PKP2: variants seen among roughly 807,000 people sequenced by gnomAD.
PKP2 encodes the protein plakophilin 2.
A neutral mutation model predicts 83.4 loss-of-function variants in PKP2; 73 were observed. The ratio of observed to expected loss-of-function variants is 0.88; its 90% CI spans 0.72 to 1.06. PKP2 has a LOEUF of 1.06. Among genes scored for constraint, PKP2 ranks in the 50% least tolerant of loss-of-function variants. The pLI is 0.00. For synonymous variants in PKP2, 409 were observed against 430.4 expected (o/e 0.95, Z 0.62); for missense variants, 966 against 1,065.4 (o/e 0.91, Z 1.30).
At chr12:32,814,651 C>G (rs1054116329) in intron 9 of PKP2, among the ~76,000 whole-genome samples, 1 of 152,138 alleles carries the variant, frequency 6.6e-6, no homozygotes, top group East Asian at 1.9e-4. Context: ...AGGCTGGGCA[C>G]TATGGCTCAA....
At chr12:32,870,137 G>A (rs1359853128) in intron 3 of PKP2, among the ~76,000 whole-genome samples, 1 of 152,192 alleles carries the variant, frequency 6.6e-6, no homozygotes, top group Non-Finnish European at 1.5e-5. Context: ...TAACATTCCA[G>A]ACACATTCAT....
intron 11 of PKP2, 168 bp from the exon 12 acceptor site, chr12:32,792,899 G>A: frequency 1.5e-6 from 1 of 682,934 alleles, no homozygotes. Context: ...GCTCTGCAAG[G>A]CGGGGACCAT....
At chr12:32,861,052 C>CA (rs1342455775) in intron 4 of PKP2, among the ~76,000 whole-genome samples, 1 of 151,474 alleles carries the variant, frequency 6.6e-6, no homozygotes, top group East Asian at 1.9e-4. Context: ...AACAAACAAA[C>CA]AAAGCAGAAT....
intron 3 of PKP2, 148 bp downstream of exon 3, chr12:32,877,698 T>C: frequency 4.2e-6 from 3 of 714,142 alleles, no homozygotes; most frequent in Non-Finnish European, 5.0e-6. Flanking sequence ...ATCTGTCAAT[T>C]AGGCAGCTGC....
chr12:32,851,759 C>T (rs962094402), intron 4 of PKP2, among the ~76,000 whole-genome samples: 2 of 152,178 alleles, frequency 1.3e-5, no homozygotes, highest in African/African-American at 4.8e-5. Flanking sequence ...TGAGCCACTG[C>T]GCCCGGCCAC....
intron 11 of PKP2, among the ~76,000 whole-genome samples, chr12:32,795,755 A>G (rs958368656): frequency 6.6e-6 from 1 of 152,210 alleles, no homozygotes; most frequent in Non-Finnish European, 1.5e-5. Flanking sequence ...GCACTTGCCT[A>G]TTCAGAGGAC....
intron 10 of PKP2, among the ~76,000 whole-genome samples, chr12:32,800,813 T>C (rs1956171713): frequency 6.6e-6 from 1 of 152,230 alleles, no homozygotes; most frequent in African/African-American, 2.4e-5. Context: ...ATGTTTTCTG[T>C]GTGAAATCTG....
chr12:32,821,918 AG>A (rs560579295), intron 8 of PKP2: 22 of 258,108 alleles, frequency 8.5e-5, no homozygotes, highest in African/African-American at 4.7e-4. Flanking sequence ...GGATAGCACC[AG>A]GGTTCTAAAT....
intron 1 of PKP2, among the ~76,000 whole-genome samples, chr12:32,881,912 A>G (rs1956989903): frequency 6.6e-6 from 1 of 152,192 alleles, no homozygotes; most frequent in East Asian, 1.9e-4. Context: ...TGCAAGGGCC[A>G]GGCTGCTGTG....
chr12:32,896,414 C>T, intron 1 of PKP2, 95 bp downstream of exon 1: 1 of 959,884 alleles, frequency 1.0e-6, no homozygotes, highest in Non-Finnish European at 1.5e-6. Flanking sequence ...AACACGGGGT[C>T]CCGCACTCCC....
chr12:32,885,342 AATT>A lies in PKP2; in HGVS notation c.224-6313_224-6311del, dbSNP rs1448280395. On this transcript the variant is annotated intron_variant, in intron 1 of 12. Transcript: ENST00000340811. The stretch of plus-strand genomic sequence containing the variant: ...AATACAAACATTGCTCGAAATAATG[AATT>A]ATTGTCAGGGTTAAAATAGTCAATA... 3.9e-5 allele frequency among the ~76,000 whole-genome samples: 6 copies of A among 152,176 alleles called. 1 individual carries two copies. Among genetic ancestry groups the A allele is most frequent in the African/African-American group, 1.4e-4 (6 of 41,438 alleles).
chr12:32,878,837 C>T (rs1465419547), intron 2 of PKP2, 83 bp downstream of exon 2: 1 of 846,610 alleles, frequency 1.2e-6, no homozygotes, highest in Non-Finnish European at 2.0e-6. Context: ...GAAAAGTAAA[C>T]ACTCAAAAAT....
At chr12:32,867,011 G>GA (rs1956855663) in intron 4 of PKP2, among the ~76,000 whole-genome samples, 1 of 152,068 alleles carries the variant, frequency 6.6e-6, no homozygotes, top group Non-Finnish European at 1.5e-5. Flanking sequence ...TAAAATTCGA[G>GA]AAAATTCAAT....
chr12:32,893,370 TGA>T (rs1957092366), intron 1 of PKP2: 1 of 152,212 alleles, frequency 6.6e-6, no homozygotes, highest in African/African-American at 2.4e-5. Context: ...TGTTTCAACT[TGA>T]GAGACAGGAT....
At chr12:32,804,473 C>A (rs138379437) in intron 9 of PKP2, among the ~76,000 whole-genome samples, 303 of 152,200 alleles carry the variant, frequency 2.0e-3, no homozygotes, top group African/African-American at 7.0e-3. Flanking sequence ...CCCAACAGGC[C>A]CCAGTGTGTG....
chr12:32,855,805 T>C (rs917168092), intron 4 of PKP2, among the ~76,000 whole-genome samples: 5 of 102,884 alleles, frequency 4.9e-5, no homozygotes, highest in African/African-American at 2.2e-4. Context: ...AGGAAGAAAA[T>C]ATCTATGAAT....
At chr12:32,894,652 T>C (rs1004998125) in intron 1 of PKP2, 5 of 152,244 alleles carry the variant, frequency 3.3e-5, no homozygotes, top group Non-Finnish European at 5.9e-5. Flanking sequence ...CCTCCATTTA[T>C]GGAAGAGTTG....
chr12:32,824,304 C>T, intron 6 of PKP2, 142 bp from the exon 7 acceptor site: 2 of 705,318 alleles, frequency 2.8e-6, no homozygotes, highest in South Asian at 3.0e-5. Flanking sequence ...GCCCAGTCAA[C>T]AAATCATTGA....
chr12:32,808,605 C>A (rs1956247089), intron 9 of PKP2, among the ~76,000 whole-genome samples: 1 of 152,212 alleles, frequency 6.6e-6, no homozygotes, highest in Admixed American at 6.5e-5. Flanking sequence ...AAGAGGCACT[C>A]TGTCTTTTTG....
Sources: gnomAD v4.1 joint callset for allele counts (sites outside exome capture counted in the v4.1 genomes callset) on GRCh38, gnomAD v4.1.1 for gene constraint, MANE v1.5 for transcripts, NCBI Gene and HGNC (gene_info 2026-07-23, HGNC 2026-07-21) for gene names.